The following TRIO variants were observed in gnomAD, a reference collection of about 807,000 sequenced individuals.
TRIO encodes the protein triple functional domain protein.
Under a neutral mutation model 351.9 loss-of-function variants are expected in TRIO, and 58 were observed. That is an observed-to-expected ratio of 0.16 (90% CI 0.13 to 0.21). The LOEUF is 0.21. Ranked by LOEUF, TRIO falls within the 10% of genes least tolerant of loss-of-function variation. TRIO has a pLI of 1.00. For missense variants in TRIO, 3,201 were observed against 4,027.8 expected (o/e 0.79, Z 5.56); for synonymous variants, 1,758 against 1,595.7 (o/e 1.10, Z -2.42).
intron 1 of TRIO, among the ~76,000 whole-genome samples, chr5:14,225,815 C>G (rs1236354669): frequency 1.4e-5 from 2 of 147,178 alleles, no homozygotes; most frequent in Non-Finnish European, 3.0e-5. Context: ...CCTCCAAGCC[C>G]AAAAGGATGA....
At chr5:14,473,182 AGCAAACCACT>A (rs1323989964) in intron 39 of TRIO, among the ~76,000 whole-genome samples, 1 of 152,228 alleles carries the variant, frequency 6.6e-6, no homozygotes, top group Non-Finnish European at 1.5e-5. Flanking sequence ...CTGTAGCCAT[AGCAAACCACT>A]GCCTTTTGTA....
rs758584601 is a variant in TRIO at position 14,472,623 on chromosome 5, C to T, written c.5944C>T (p.Arg1982Cys). The T allele has an allele frequency of 2.5e-6, 4 of 1,614,058 alleles. No individual in the cohort carries two copies. In the South Asian group the frequency reaches 3.3e-5, roughly 13 times the overall value. The part of the protein sequence containing the change: ...YVLQELVETE[R>C]DYVRDLGYVV... ...TTTGCAAGAACTAGTGGAGACAGAGCGTGACTATGTGCGGGACCTTGGCTA... is the reference window on the plus strand; with the variant it reads ...TTTGCAAGAACTAGTGGAGACAGAGTGTGACTATGTGCGGGACCTTGGCTA... The change falls in exon 39 of 57, where the codon CGT (arginine) becomes TGT (cysteine). Residue 1982 changes from arginine (R) to cysteine (C), a missense_variant. By Grantham distance (180) the Arg-to-Cys change is radical. Transcript: ENST00000344204.
chr5:14,317,409 G>A (rs1283724258), intron 9 of TRIO, among the ~76,000 whole-genome samples: 1 of 152,178 alleles, frequency 6.6e-6, no homozygotes, highest in African/African-American at 2.4e-5. Context: ...GAAAGACAAG[G>A]GAATGAATGA....
Position 14,332,454 on chromosome 5 carries a change from G to A in TRIO, c.1854+1554G>A, listed in dbSNP as rs78306047. ...ACGTGGACATACAGAATGTCCCCAC[G>A]TGTAGCATGCTCTAAATTCTGATTT... On this transcript the variant is annotated intron_variant, in intron 10 of 56. Coordinates refer to ENST00000344204, the MANE Select transcript of TRIO (RefSeq NM_007118.4). Among the ~76,000 whole-genome samples the A allele has an allele frequency of 9.4e-3, 1,434 of 152,284 alleles. 19 individuals carry two copies. The highest frequency in any genetic ancestry group is 0.033 in the African/African-American group (1,363 of 41,544).
At chr5:14,464,306 C>T (rs1754073461) in intron 36 of TRIO, among the ~76,000 whole-genome samples, 1 of 152,184 alleles carries the variant, frequency 6.6e-6, no homozygotes, top group South Asian at 2.1e-4. Flanking sequence ...CTTACTCACC[C>T]ATAAGGGAGG....
chr5:14,145,215 A>G (rs1787434382), intron 1 of TRIO, among the ~76,000 whole-genome samples: 1 of 152,330 alleles, frequency 6.6e-6, no homozygotes, highest in South Asian at 2.1e-4. Flanking sequence ...AATCCGGGTC[A>G]CGAGGAGCAA....
At chr5:14,418,713 T>C (rs1197681255) in intron 33 of TRIO, 2 of 152,952 alleles carry the variant, frequency 1.3e-5, no homozygotes, top group African/African-American at 4.8e-5. Context: ...AGGGTGTGGT[T>C]GAAGAGTCCC....
At chr5:14,386,232 C>T (rs765936997) in intron 21 of TRIO, among the ~76,000 whole-genome samples, 6 of 152,042 alleles carry the variant, frequency 3.9e-5, no homozygotes, top group Non-Finnish European at 8.8e-5. Flanking sequence ...GAGTGGCTTT[C>T]CAGGCAGGAG....
intron 1 of TRIO, among the ~76,000 whole-genome samples, chr5:14,171,042 C>T (rs1302821197): frequency 1.3e-5 from 2 of 151,934 alleles, no homozygotes; most frequent in Non-Finnish European, 2.9e-5. Flanking sequence ...AATTATATTC[C>T]TTGCCCTAAA....
chr5:14,353,613 A>G (rs1331195247), intron 11 of TRIO, among the ~76,000 whole-genome samples: 2 of 152,132 alleles, frequency 1.3e-5, no homozygotes, highest in Non-Finnish European at 2.9e-5. Context: ...TTTATAGATG[A>G]GAAAACAGAG....
intron 34 of TRIO, among the ~76,000 whole-genome samples, chr5:14,449,586 A>T (rs951921116): frequency 4.6e-5 from 7 of 151,996 alleles, no homozygotes; most frequent in African/African-American, 1.7e-4. Context: ...CTAGTGATCA[A>T]CTGTCCACCA....
intron 34 of TRIO, among the ~76,000 whole-genome samples, chr5:14,446,417 G>A (rs1164162862): frequency 3.3e-5 from 5 of 152,162 alleles, no homozygotes; most frequent in South Asian, 4.1e-4. Flanking sequence ...ACCCAAAAAA[G>A]TGGGAGACAG....
At chr5:14,222,747 C>T (rs1326688304) in intron 1 of TRIO, among the ~76,000 whole-genome samples, 2 of 152,192 alleles carry the variant, frequency 1.3e-5, no homozygotes, top group Non-Finnish European at 2.9e-5. Context: ...CTCTGAGGGG[C>T]ACCTCCTCTC....
At chr5:14,377,489 A>T (rs59853866) in intron 19 of TRIO, among the ~76,000 whole-genome samples, 4,263 of 151,678 alleles carry the variant, frequency 0.028, 194 homozygotes, top group African/African-American at 0.099. Flanking sequence ...CAGGTGATCC[A>T]CCCATCCGCC....
At chr5:14,303,192 A>G (rs1374406373) in intron 7 of TRIO, among the ~76,000 whole-genome samples, 1 of 126,124 alleles carries the variant, frequency 7.9e-6, no homozygotes, top group African/African-American at 2.9e-5. Context: ...AGGACTGTTG[A>G]TGATCCTGGA....
intron 1 of TRIO, among the ~76,000 whole-genome samples, chr5:14,145,500 C>G (rs973776923): frequency 1.1e-4 from 17 of 151,940 alleles, no homozygotes; most frequent in African/African-American, 4.1e-4. Context: ...CTACCCCCCC[C>G]CACCTTTTTT....
At chr5:14,454,401 C>T (rs1014000369) in intron 34 of TRIO, among the ~76,000 whole-genome samples, 1 of 152,204 alleles carries the variant, frequency 6.6e-6, no homozygotes, top group Non-Finnish European at 1.5e-5. Flanking sequence ...GCCTTATTTG[C>T]TTTGAATTAT....
At chr5:14,258,413 T>C (rs930390956) in intron 1 of TRIO, among the ~76,000 whole-genome samples, 1 of 152,220 alleles carries the variant, frequency 6.6e-6, no homozygotes, top group Non-Finnish European at 1.5e-5. Flanking sequence ...ATGTCCTTAC[T>C]GCACTGCCGT....
intron 40 of TRIO, among the ~76,000 whole-genome samples, chr5:14,474,432 C>G (rs1464677581): frequency 6.6e-6 from 1 of 152,214 alleles, no homozygotes; most frequent in Admixed American, 6.5e-5. Flanking sequence ...CATTCTTCAT[C>G]TGCACACCCA....
Sources: gnomAD v4.1 joint callset for allele counts (sites outside exome capture counted in the v4.1 genomes callset) on GRCh38, gnomAD v4.1.1 for gene constraint, MANE v1.5 for transcripts, NCBI Gene and HGNC (gene_info 2026-07-23, HGNC 2026-07-21) for gene names.